The following FGF14 variants were observed in gnomAD, a reference collection of about 807,000 sequenced individuals.
FGF14 encodes fibroblast growth factor 14.
Under a neutral mutation model 25.5 loss-of-function variants are expected in FGF14, and 5 were observed. That is an observed-to-expected ratio of 0.20 (90% CI 0.10 to 0.41). The LOEUF is 0.41. Among genes scored for constraint, FGF14 ranks in the 10% least tolerant of loss-of-function variants. FGF14 has a pLI of 1.00. For missense variants in FGF14, 222 were observed against 320.1 expected (o/e 0.69, Z 2.34); for synonymous variants, 138 against 118.3 (o/e 1.17, Z -1.08).
intron 1 of FGF14, among the ~76,000 whole-genome samples, chr13:102,217,968 A>C (rs1339571208): frequency 6.6e-6 from 1 of 152,170 alleles, no homozygotes; most frequent in Non-Finnish European, 1.5e-5. Flanking sequence ...AAATATGCAC[A>C]TATATTTACA....
chr13:102,133,593 C>A (rs2046291464), intron 1 of FGF14, among the ~76,000 whole-genome samples: 1 of 152,116 alleles, frequency 6.6e-6, no homozygotes, highest in Non-Finnish European at 1.5e-5. Context: ...GAAAAATATT[C>A]ATTCTAATAT....
intron 1 of FGF14, among the ~76,000 whole-genome samples, chr13:101,943,331 C>A (rs2035571531): frequency 6.6e-6 from 1 of 152,170 alleles, no homozygotes; most frequent in Non-Finnish European, 1.5e-5. Context: ...ACCAGAGAGG[C>A]ATGGTCGAAA....
At chr13:102,146,683 C>A (rs2046868540) in intron 1 of FGF14, among the ~76,000 whole-genome samples, 1 of 152,140 alleles carries the variant, frequency 6.6e-6, no homozygotes. Context: ...ACCACTCTTT[C>A]AACTACATCA....
intron 3 of FGF14, among the ~76,000 whole-genome samples, chr13:101,729,177 G>T (rs1318663547): frequency 2.0e-5 from 3 of 152,020 alleles, no homozygotes; most frequent in Non-Finnish European, 4.4e-5. Flanking sequence ...TAGAACTATT[G>T]CCTTCAGTTG....
At chr13:102,007,084 C>T (rs1452460214) in intron 1 of FGF14, among the ~76,000 whole-genome samples, 1 of 152,084 alleles carries the variant, frequency 6.6e-6, no homozygotes, top group Admixed American at 6.5e-5. Flanking sequence ...ACTGATAAAT[C>T]AGAAAGAAAT....
intron 3 of FGF14, among the ~76,000 whole-genome samples, chr13:101,850,421 T>C (rs1409201560): frequency 1.6e-5 from 2 of 127,722 alleles, no homozygotes; most frequent in Non-Finnish European, 3.3e-5. Flanking sequence ...GCCACTACAC[T>C]CCAGCCTGGG....
In FGF14 at chr13:102,386,680, ACAAGTTAGTTGG is replaced by A. The variant is rs1415319574; in HGVS notation, c.208+14779_208+14790del. Among the ~76,000 whole-genome samples, 6 of 152,302 alleles carry A rather than the reference ACAAGTTAGTTGG, an allele frequency of 3.9e-5. No homozygotes were observed. The East Asian group carries it at 1.2e-3, about 29-fold the overall frequency. On this transcript the variant is annotated intron_variant, in intron 1 of 4. Coordinates refer to the FGF14 transcript ENST00000376131. ...TTCCTTTCCTCAGGCTCTCACAAAT[ACAAGTTAGTTGG>A]CACCAGAGAGGCTGGGTAGGAAACT...
At chr13:102,231,394 G>A (rs951093263) in intron 1 of FGF14, among the ~76,000 whole-genome samples, 2 of 152,134 alleles carry the variant, frequency 1.3e-5, no homozygotes, top group African/African-American at 4.8e-5. Context: ...GCAGTGACAG[G>A]AGGTGAGTTG....
chr13:101,751,135 T>C (rs1440278739), intron 3 of FGF14, among the ~76,000 whole-genome samples: 1 of 152,186 alleles, frequency 6.6e-6, no homozygotes, highest in Non-Finnish European at 1.5e-5. Context: ...CATGTCATTA[T>C]ACATTTGACA....
At chr13:102,259,300 A>AC (rs1250383965) in intron 1 of FGF14, among the ~76,000 whole-genome samples, 1 of 152,060 alleles carries the variant, frequency 6.6e-6, no homozygotes, top group Non-Finnish European at 1.5e-5. Context: ...TCCTCAACAG[A>AC]CCACACTCCC....
chr13:101,867,762 C>G (rs1294193459), intron 3 of FGF14, among the ~76,000 whole-genome samples: 4 of 152,060 alleles, frequency 2.6e-5, no homozygotes, highest in Admixed American at 2.6e-4. Context: ...AGAGCCAGCA[C>G]TTTTGAGCTC....
chr13:102,332,417 A>G (rs1594875299), intron 1 of FGF14, among the ~76,000 whole-genome samples: 2 of 152,296 alleles, frequency 1.3e-5, no homozygotes, highest in African/African-American at 4.8e-5. Context: ...TAAATCTAAA[A>G]TCACATTTTT....
At chr13:101,881,308 T>C (rs527407957) in intron 1 of FGF14, among the ~76,000 whole-genome samples, 1 of 152,298 alleles carries the variant, frequency 6.6e-6, no homozygotes, top group South Asian at 2.1e-4. Context: ...ATTGCAAAGT[T>C]CTAACATATT....
At chr13:102,263,219 G>T (rs768949893) in intron 1 of FGF14, 3 of 504,912 alleles carry the variant, frequency 5.9e-6, no homozygotes, top group South Asian at 3.5e-5. Context: ...GAGAAGCGCA[G>T]TCAAGCACAC....
At chr13:102,025,325 T>C (rs969380750) in intron 1 of FGF14, among the ~76,000 whole-genome samples, 5 of 152,082 alleles carry the variant, frequency 3.3e-5, no homozygotes, top group Non-Finnish European at 4.4e-5. Flanking sequence ...TTAAGTCTTC[T>C]AGTCTGTAAA....
chr13:102,021,139 G>A lies in FGF14; in HGVS notation c.209-145843C>T, dbSNP rs1459901959. On this transcript the variant is annotated intron_variant, in intron 1 of 4. Coordinates refer to the FGF14 transcript ENST00000376131. ...AGGGCGCCAAAGAACAGAAGGCCGAGAGTAAAGGAGATTATGCATCATTAC... is the reference window on the plus strand; with the variant it reads ...AGGGCGCCAAAGAACAGAAGGCCGAAAGTAAAGGAGATTATGCATCATTAC... 3.3e-5 allele frequency among the ~76,000 whole-genome samples: 5 copies of A among 152,120 alleles called. No individual in the cohort carries two copies. The South Asian group carries it at 6.2e-4, about 19-fold the overall frequency.
At chr13:102,345,939 T>A (rs1391419406) in intron 1 of FGF14, among the ~76,000 whole-genome samples, 3 of 152,226 alleles carry the variant, frequency 2.0e-5, no homozygotes, top group South Asian at 4.1e-4. Context: ...AGTGTATTCA[T>A]ATCCCTAGGA....
At chr13:102,220,431 A>T (rs530833550) in intron 1 of FGF14, among the ~76,000 whole-genome samples, 1 of 152,222 alleles carries the variant, frequency 6.6e-6, no homozygotes, top group Non-Finnish European at 1.5e-5. Flanking sequence ...TTATGTAGAC[A>T]TTCCTTTTAA....
chr13:102,189,691 A>G (rs1267643522), intron 1 of FGF14, among the ~76,000 whole-genome samples: 1 of 152,142 alleles, frequency 6.6e-6, no homozygotes, highest in Non-Finnish European at 1.5e-5. Flanking sequence ...AATACCTGAG[A>G]CTGGGTAATG....
Sources: gnomAD v4.1 joint callset for allele counts (sites outside exome capture counted in the v4.1 genomes callset) on GRCh38, gnomAD v4.1.1 for gene constraint, MANE v1.5 for transcripts, NCBI Gene and HGNC (gene_info 2026-07-23, HGNC 2026-07-21) for gene names.